GTPBP10: variants seen among roughly 807,000 people sequenced by gnomAD.
GTPBP10 encodes GTP-binding protein 10.
Under a neutral mutation model 44.8 loss-of-function variants are expected in GTPBP10, and 38 were observed. The ratio of observed to expected loss-of-function variants is 0.85; its 90% CI spans 0.65 to 1.11. GTPBP10 has a LOEUF of 1.11. Among genes scored for constraint, GTPBP10 ranks in the 50% most tolerant of loss-of-function variants. GTPBP10 has a pLI of 0.00. For synonymous variants in GTPBP10, 152 were observed against 150.6 expected (o/e 1.01, Z -0.07); for missense variants, 462 against 453.7 (o/e 1.02, Z -0.17).
intron 1 of GTPBP10, among the ~76,000 whole-genome samples, chr7:90,348,217 CA>C (rs374888026): frequency 6.6e-6 from 1 of 151,218 alleles, no homozygotes; most frequent in Non-Finnish European, 1.5e-5. Context: ...GACCCTGTTT[CA>C]AAAAAAAGAA....
chr7:90,371,831 T>C (rs1562958927), intron 4 of GTPBP10, among the ~76,000 whole-genome samples: 1 of 152,148 alleles, frequency 6.6e-6, no homozygotes, highest in African/African-American at 2.4e-5. Context: ...TTTGTCAGTG[T>C]ATAGCTGGAG....
At chr7:90,350,540 C>A (rs559376327) in intron 1 of GTPBP10, among the ~76,000 whole-genome samples, 1 of 152,304 alleles carries the variant, frequency 6.6e-6, no homozygotes, top group African/African-American at 2.4e-5. Context: ...GCAATTAATT[C>A]TTTAGCTTTA....
At chr7:90,382,306 T>A (rs1480609508) in intron 8 of GTPBP10, among the ~76,000 whole-genome samples, 1 of 152,146 alleles carries the variant, frequency 6.6e-6, no homozygotes, top group East Asian at 1.9e-4. Context: ...TGTATAGAGA[T>A]GGGGTCTCGT....
intron 4 of GTPBP10, among the ~76,000 whole-genome samples, chr7:90,363,792 C>G (rs1796075887): frequency 3.3e-5 from 5 of 152,208 alleles, no homozygotes; most frequent in Admixed American, 3.3e-4. Context: ...TAGATTTGGT[C>G]TTTTCACATA....
intron 5 of GTPBP10, among the ~76,000 whole-genome samples, chr7:90,372,775 A>G (rs1796282758): frequency 6.6e-6 from 1 of 152,158 alleles, no homozygotes; most frequent in Non-Finnish European, 1.5e-5. Context: ...CACTGTGATA[A>G]GTACCAGGAA....
intron 2 of GTPBP10, 141 bp downstream of exon 2, chr7:90,353,150 T>A (rs1315178294): frequency 1.8e-6 from 1 of 543,408 alleles, no homozygotes; most frequent in Non-Finnish European, 3.2e-6. Flanking sequence ...GCCTAAAATG[T>A]CTCAACTCAT....
At chr7:90,354,420 A>G (rs750073824) in intron 2 of GTPBP10, 38 bp from the exon 3 acceptor site, 2 of 1,037,228 alleles carry the variant, frequency 1.9e-6, no homozygotes, top group South Asian at 1.6e-5. Flanking sequence ...ATATATACAC[A>G]CACACATACA....
At chr7:90,377,798 C>T (rs1796366246) in intron 7 of GTPBP10, 184 bp downstream of exon 7, 1 of 215,482 alleles carries the variant, frequency 4.6e-6, no homozygotes, top group African/African-American at 2.3e-5. Context: ...TACTTGCCAA[C>T]ATGTATTTCC....
rs1268793296 is a variant in GTPBP10, at chr7:90,388,288, A to G, written c.*3134A>G. On this transcript the variant is annotated 3_prime_UTR_variant, in exon 10 of 10. Coordinates refer to ENST00000222511, the MANE Select transcript of GTPBP10 (RefSeq NM_033107.4). ...GCATTTTATTTTGTCCTTAAGTAAG[A>G]CTTTTCATTTTTACCTTTCAAAATG... 6.6e-6 allele frequency: 1 copy of G among 152,146 alleles called. No individual in the cohort carries two copies. The highest frequency in any genetic ancestry group is 1.5e-5 in the Non-Finnish European group (1 of 68,020). 9.4% of individuals were successfully genotyped at this position (152,146 alleles called of 1,614,324 possible).
rs1362824370 is a variant in GTPBP10, at chr7:90,389,684, C to G, written c.*4530C>G. ...ATAACTCAAGAATTAATGAGATAAACAGTGGACAAAAAGTGTTGGCAGATA... is the reference window on the plus strand; with the variant it reads ...ATAACTCAAGAATTAATGAGATAAAGAGTGGACAAAAAGTGTTGGCAGATA... On this transcript the variant is annotated 3_prime_UTR_variant, in exon 10 of 10. Coordinates refer to ENST00000222511, the MANE Select transcript of GTPBP10 (RefSeq NM_033107.4). 6.6e-5 allele frequency: 10 copies of G among 152,006 alleles called. No homozygotes were observed. The highest frequency in any genetic ancestry group is 2.0e-4 in the Admixed American group (3 of 15,262). The allele number at this position is 152,006 out of a possible 1,614,324, so 9.4% of individuals were successfully genotyped here.
intron 4 of GTPBP10, among the ~76,000 whole-genome samples, chr7:90,359,571 T>C (rs1795972678): frequency 6.6e-6 from 1 of 152,224 alleles, no homozygotes; most frequent in Admixed American, 6.5e-5. Context: ...TTCCAAGTCT[T>C]TGCTATTGTG....
intron 8 of GTPBP10, among the ~76,000 whole-genome samples, chr7:90,382,535 T>G (rs966830366): frequency 6.6e-6 from 1 of 152,232 alleles, no homozygotes; most frequent in Non-Finnish European, 1.5e-5. Flanking sequence ...AGCAGTCTTC[T>G]GCCTTTTATC....
chr7:90,352,416 C>T (rs1189862615), intron 1 of GTPBP10, among the ~76,000 whole-genome samples: 1 of 152,228 alleles, frequency 6.6e-6, no homozygotes, highest in East Asian at 1.9e-4. Context: ...ACATTCTGCT[C>T]ACATTTGCTT....
chr7:90,354,372 T>C, intron 2 of GTPBP10, 86 bp from the exon 3 acceptor site: 1 of 584,542 alleles, frequency 1.7e-6, no homozygotes, highest in Non-Finnish European at 2.8e-6. Context: ...ATTGCTACTC[T>C]TCTTTGTAAA....
At chr7:90,353,062 T>A in intron 2 of GTPBP10, 53 bp downstream of exon 2, 1 of 988,930 alleles carries the variant, frequency 1.0e-6, no homozygotes, top group Non-Finnish European at 1.4e-6. Flanking sequence ...CTTCTGGAAA[T>A]TTTTTTTTTA....
At chr7:90,374,455 G>C in intron 6 of GTPBP10, 101 bp downstream of exon 6, 1 of 715,238 alleles carries the variant, frequency 1.4e-6, no homozygotes, top group African/African-American at 1.8e-5. Context: ...GTGGTGTTAG[G>C]GGAGAAAAAG....
Position 90,355,174 on chromosome 7 carries a change from C to T in GTPBP10, c.408C>T (p.Gly136=). 6.2e-7 allele frequency: 1 copy of T among 1,604,476 alleles called. No homozygotes were observed. Among genetic ancestry groups the T allele is most frequent in the South Asian group, 1.1e-5 (1 of 90,196 alleles). Residue 136 remains glycine, a synonymous_variant, in exon 4 of 10, where the codon GGC becomes GGT. Coordinates refer to ENST00000222511, the MANE Select transcript of GTPBP10 (RefSeq NM_033107.4). ...KLLTNFLPLK[G]QKRIIHLDLK... ...TTACAAATTTCTTACCATTGAAAGGCCAGAAACGAATAATTCACCTTGATC... is the reference window on the plus strand; with the variant it reads ...TTACAAATTTCTTACCATTGAAAGGTCAGAAACGAATAATTCACCTTGATC...
At chr7:90,351,633 C>T (rs538250491) in intron 1 of GTPBP10, among the ~76,000 whole-genome samples, 3 of 152,142 alleles carry the variant, frequency 2.0e-5, no homozygotes, top group East Asian at 1.9e-4. Flanking sequence ...AGTGGACACA[C>T]GCAGCTCAAA....
intron 1 of GTPBP10, among the ~76,000 whole-genome samples, chr7:90,351,433 T>C (rs1197754562): frequency 1.3e-5 from 2 of 152,170 alleles, no homozygotes; most frequent in Admixed American, 6.5e-5. Context: ...AAAATTAAGA[T>C]AGATATGTGT....
Sources: allele counts gnomAD v4.1 joint callset (sites outside exome capture counted in the v4.1 genomes callset), GRCh38; gene constraint gnomAD v4.1.1; transcripts MANE v1.5; gene names NCBI Gene and HGNC (gene_info 2026-07-23, HGNC 2026-07-21).